The following INPP5F variants were observed in gnomAD, a reference collection of about 807,000 sequenced individuals.
INPP5F encodes the protein inositol polyphosphate-5-phosphatase F.
In INPP5F, 97 loss-of-function variants were observed where a neutral mutation model predicts 137.2. That is an observed-to-expected ratio of 0.71 (90% CI 0.60 to 0.84). The LOEUF (loss-of-function observed/expected upper bound fraction) is 0.84, where lower values mean the gene tolerates loss of function less well. Ranked by LOEUF, INPP5F falls within the 40% of genes least tolerant of loss-of-function variation. The pLI, the probability that INPP5F is intolerant of heterozygous loss-of-function variation, is 0.00. For missense variants in INPP5F, 1,271 were observed against 1,371.9 expected (o/e 0.93, Z 1.16); for synonymous variants, 504 against 476.9 (o/e 1.06, Z -0.74).
At position 119,792,052 on chromosome 10, in the gene INPP5F, C is replaced by T. The variant is rs757956271; in HGVS notation, c.612+16C>T. On this transcript the variant is annotated intron_variant, in intron 5 of 19. Coordinates refer to ENST00000650623, the MANE Select transcript of INPP5F (RefSeq NM_014937.4). ...CTGGCAGAAGGTACCACTCACAGCT[C>T]GTAGAGCAGGGTTTGCACTTGGGAA... 28 of 1,614,050 alleles carry T rather than the reference C, an allele frequency of 1.7e-5. No individual in the cohort carries two copies. Among genetic ancestry groups the T allele is most frequent in the African/African-American group, 6.7e-5 (5 of 74,928 alleles).
intron 1 of INPP5F, among the ~76,000 whole-genome samples, chr10:119,737,492 T>A (rs1036657236): frequency 6.6e-6 from 1 of 152,180 alleles, no homozygotes; most frequent in African/African-American, 2.4e-5. Context: ...TCTCTGATGC[T>A]CAGGGATTAG....
intron 9 of INPP5F, among the ~76,000 whole-genome samples, chr10:119,799,974 C>T (rs928673575): frequency 6.6e-6 from 1 of 151,714 alleles, no homozygotes; most frequent in Admixed American, 6.6e-5. Context: ...TTTTAAAAAA[C>T]ACTCTAATGA....
At chr10:119,730,945 G>A (rs981920951) in intron 1 of INPP5F, among the ~76,000 whole-genome samples, 22 of 151,922 alleles carry the variant, frequency 1.4e-4, no homozygotes, top group African/African-American at 5.1e-4. Flanking sequence ...GCGCCACCAC[G>A]CCCAGCTAAT....
chr10:119,822,375 A>G, intron 16 of INPP5F, 56 bp from the exon 17 acceptor site: 2 of 955,676 alleles, frequency 2.1e-6, no homozygotes, highest in Non-Finnish European at 3.2e-6. Context: ...CTTCCCTGAC[A>G]AGCCAAATAT....
At chr10:119,768,822 T>C (rs1171567487) in intron 2 of INPP5F, among the ~76,000 whole-genome samples, 2 of 152,246 alleles carry the variant, frequency 1.3e-5, no homozygotes, top group African/African-American at 4.8e-5. Flanking sequence ...CATGAATGTT[T>C]ATAGAGATAA....
chr10:119,809,158 C>T lies in INPP5F; in HGVS notation c.1570-942C>T, dbSNP rs184819185. Among the ~76,000 whole-genome samples the T allele has an allele frequency of 3.8e-3, 533 of 141,814 alleles. 4 individuals are homozygous for T. The highest frequency in any genetic ancestry group is 0.014 in the African/African-American group (514 of 37,790). The allele number at this position is 141,814 out of a possible 152,430, so 93.0% of individuals were successfully genotyped here. ...GTGAGAATCACTTGAACCCGGGAGG[C>T]AGAGGTTGCAGTAAGCCGAGATTGT... On this transcript the variant is annotated intron_variant, in intron 13 of 19. Coordinates refer to ENST00000650623, the MANE Select transcript of INPP5F (RefSeq NM_014937.4).
chr10:119,744,171 AC>A (rs1490712826), intron 1 of INPP5F, among the ~76,000 whole-genome samples: 5 of 152,114 alleles, frequency 3.3e-5, no homozygotes, highest in Non-Finnish European at 5.9e-5. Context: ...TGATTTGATG[AC>A]CCACTGATGG....
In INPP5F at chr10:119,827,585, C is replaced by T. The variant is rs781567798; in HGVS notation, c.3204C>T (p.Val1068=). Residue 1068 remains valine, a synonymous_variant, in exon 20 of 20, where the codon GTC becomes GTT. Transcript: ENST00000650623. ...SPSESSSSRA[V]SPFAKIRSSM... is the part of the protein sequence containing the mutation. ...CAGAGAGCAGTAGCAGCAGAGCAGT[C>T]TCTCCCTTTGCCAAGATTCGAAGTT... 5 of 1,614,116 alleles carry T rather than the reference C, an allele frequency of 3.1e-6. No individual in the cohort carries two copies. In the South Asian group the frequency reaches 4.4e-5, roughly 14 times the overall value.
Position 119,823,139 on chromosome 10 carries a change from G to A in INPP5F, c.2101G>A (p.Ala701Thr). 1 of 1,614,120 alleles carries A rather than the reference G, an allele frequency of 6.2e-7. No individual in the cohort carries two copies. The highest frequency in any genetic ancestry group is 8.5e-7 in the Non-Finnish European group (1 of 1,179,968). ...CMRLHYRYKE[A>T]SGYFHTLRAV... ...GCGACTGCACTACAGATACAAAGAAGCGAGTGGCTATTTCCACACATTGCG... is the reference window on the plus strand; with the variant it reads ...GCGACTGCACTACAGATACAAAGAAACGAGTGGCTATTTCCACACATTGCG... The change falls in exon 18 of 20, where the codon GCG (alanine) becomes ACG (threonine). Residue 701 changes from alanine to threonine, a missense_variant. By Grantham distance (58) the Ala-to-Thr change is moderately conservative. Around this residue, in one of 6 missense-constraint regions of INPP5F, gnomAD observed 593 missense variants for 712.4 expected, o/e 0.83. Coordinates refer to ENST00000650623, the MANE Select transcript of INPP5F (RefSeq NM_014937.4).
intron 1 of INPP5F, among the ~76,000 whole-genome samples, chr10:119,734,244 T>C (rs1848162353): frequency 6.6e-6 from 1 of 152,192 alleles, no homozygotes; most frequent in Non-Finnish European, 1.5e-5. Flanking sequence ...CCTTGTGATG[T>C]ATGGTGGAAT....
intron 2 of INPP5F, among the ~76,000 whole-genome samples, chr10:119,764,090 G>A (rs1361065170): frequency 6.6e-6 from 1 of 152,124 alleles, no homozygotes; most frequent in Non-Finnish European, 1.5e-5. Context: ...TTTTTCTACA[G>A]CTCATCTCTC....
At chr10:119,818,373 G>C (rs1249318740) in intron 15 of INPP5F, among the ~76,000 whole-genome samples, 3 of 152,272 alleles carry the variant, frequency 2.0e-5, no homozygotes, top group African/African-American at 7.2e-5. Flanking sequence ...CGGTCCAGCA[G>C]TGGTAATGGA....
chr10:119,758,327 T>C (rs773154816), intron 2 of INPP5F, among the ~76,000 whole-genome samples: 1 of 151,942 alleles, frequency 6.6e-6, no homozygotes, highest in Non-Finnish European at 1.5e-5. Context: ...GGGGAGGCCT[T>C]GAGAGGAGAG....
intron 19 of INPP5F, among the ~76,000 whole-genome samples, chr10:119,824,233 C>A (rs1851677192): frequency 6.6e-6 from 1 of 152,178 alleles, no homozygotes; most frequent in Non-Finnish European, 1.5e-5. Flanking sequence ...GTAAGATTAA[C>A]CAAAGTACAG....
rs2134153832 is a variant in INPP5F, at chr10:119,767,374, T to C, written c.179-14261T>C. The stretch of plus-strand genomic sequence containing the variant: ...GCAGCTGGAAAAGTACAAATTTACA[T>C]TAGGCTTTTGTAAATTAGGATTCAT... On this transcript the variant is annotated intron_variant, in intron 2 of 19. Transcript: ENST00000650623. Among the ~76,000 whole-genome samples, 4 of 152,266 alleles carry C rather than the reference T, an allele frequency of 2.6e-5. No individual in the cohort carries two copies. In the South Asian group the frequency reaches 6.2e-4, roughly 24 times the overall value.
intron 1 of INPP5F, among the ~76,000 whole-genome samples, chr10:119,747,552 A>T (rs1848573116): frequency 6.6e-6 from 1 of 152,246 alleles, no homozygotes; most frequent in African/African-American, 2.4e-5. Flanking sequence ...TAATTCAAAA[A>T]AGAAATTCAT....
At chr10:119,782,330 G>GT (rs892271346) in intron 3 of INPP5F, among the ~76,000 whole-genome samples, 3 of 152,202 alleles carry the variant, frequency 2.0e-5, no homozygotes, top group Admixed American at 6.5e-5. Context: ...TAGGGCTAGT[G>GT]TTTTTTACCA....
At chr10:119,821,685 TTCTG>T (rs532000757) in intron 16 of INPP5F, among the ~76,000 whole-genome samples, 490 of 152,076 alleles carry the variant, frequency 3.2e-3, no homozygotes, top group African/African-American at 0.011. Context: ...TTGTTTCTCT[TTCTG>T]TCTTTCTCCC....
chr10:119,785,676 T>G (rs769201106), intron 3 of INPP5F, among the ~76,000 whole-genome samples: 19 of 151,442 alleles, frequency 1.3e-4, no homozygotes, highest in Non-Finnish European at 2.1e-4. Context: ...CTGGGCCACA[T>G]AGCAAGACCC....
Sources: allele counts gnomAD v4.1 joint callset (sites outside exome capture counted in the v4.1 genomes callset), GRCh38; gene constraint gnomAD v4.1.1; regional missense constraint gnomAD v4.1.1; transcripts MANE v1.5; gene names NCBI Gene and HGNC (gene_info 2026-07-23, HGNC 2026-07-21).